BORCS6: variants seen among roughly 807,000 people sequenced by gnomAD.
The protein encoded by BORCS6 is BLOC-1 related complex subunit 6.
In BORCS6, 12 loss-of-function variants were observed where a neutral mutation model predicts 17.0. That is an observed-to-expected ratio of 0.71 (90% confidence interval 0.45 to 1.15). BORCS6 has a LOEUF of 1.15. Among genes scored for constraint, BORCS6 ranks in the 50% most tolerant of loss-of-function variants. BORCS6 has a pLI of 0.00. For synonymous variants in BORCS6, 262 were observed against 241.7 expected, an observed-to-expected ratio of 1.08 and a Z score of -0.78; for missense variants, 513 against 515.0, an observed-to-expected ratio of 1.00 and a Z score of 0.04.
rs1429931146 is a variant in BORCS6 at position 8,189,860 on chromosome 17, C to G, written c.281G>C (p.Arg94Pro). The G allele has an allele frequency of 3.2e-6, 5 of 1,548,210 alleles. No homozygotes were observed. In the Admixed American group the frequency reaches 9.8e-5, roughly 30 times the overall value. ...GTGCTCTGCACCCGGCGCCCCCCTG[C>G]GGCTCCCGGCCCCAGACAGCGTCCC... ...PQGTLSGAGS[R>P]RGAPGAEHEP... The change falls in exon 1 of 1, where the codon CGC (arginine) becomes CCC (proline). Residue 94 changes from arginine (R) to proline (P), a missense_variant. Physicochemically the swap from Arg to Pro is moderately radical, Grantham distance 103 (BLOSUM62 -2). Coordinates refer to ENST00000389017, the MANE Select transcript of BORCS6 (RefSeq NM_017622.3). This position sits in a 1 kb window ranked among gnomAD's most constrained non-coding sequence, Gnocchi z 7.8.
In BORCS6 at chr17:8,189,918, G is replaced by T. The variant is rs1353932395; in HGVS notation, c.223C>A (p.Arg75=). The T allele has an allele frequency of 1.3e-6, 2 of 1,548,634 alleles. No individual in the cohort carries two copies. Among genetic ancestry groups the T allele is most frequent in the South Asian group, 2.4e-5 (2 of 84,054 alleles). Residue 75 remains arginine (R), a synonymous_variant, in exon 1 of 1, where the codon CGG becomes AGG. Coordinates refer to ENST00000389017, the MANE Select transcript of BORCS6 (RefSeq NM_017622.3). This position sits in a 1 kb window ranked among gnomAD's most constrained non-coding sequence, Gnocchi z 7.8. ...CCGGGCTCGTTCTCCAGAGCCTCCC[G>T]TTCCGGCCGGTGGACGACGCCGCAG... The part of the protein sequence containing the change: ...SSCGVVHRPE[R]EALENEPGPQ...
In BORCS6 at chr17:8,190,030, G is replaced by T; in HGVS notation, c.111C>A (p.Pro37=). The T allele has an allele frequency of 1.3e-6, 2 of 1,550,130 alleles. No individual in the cohort carries two copies. The highest frequency in any genetic ancestry group is 1.7e-6 in the Non-Finnish European group (2 of 1,146,834). Reference sequence around the variant, plus strand: ...CCTCCCCGGACACCCGGAGGCCTGCGGGCGGCTCAGAGGACGTTCGGCCCG... The same window carrying T: ...CCTCCCCGGACACCCGGAGGCCTGCTGGCGGCTCAGAGGACGTTCGGCCCG... ...GGPGRTSSEP[P]AGLRVSGEEE... Residue 37 remains proline (P), a synonymous_variant, in exon 1 of 1, where the codon CCC becomes CCA. Coordinates refer to ENST00000389017, the MANE Select transcript of BORCS6 (RefSeq NM_017622.3).
At position 8,190,083 on chromosome 17, in the gene BORCS6, G is replaced by A; in HGVS notation, c.58C>T (p.His20Tyr). The A allele has an allele frequency of 6.5e-7, 1 of 1,550,334 alleles. No individual in the cohort carries two copies. Residue 20 changes from histidine (H) to tyrosine (Y), a missense_variant, in exon 1 of 1, where the codon CAT (histidine) becomes TAT (tyrosine). Coordinates refer to ENST00000389017, the MANE Select transcript of BORCS6 (RefSeq NM_017622.3). ...CCGCCGCCAAAGACTAGGGCCTGAT[G>A]TTCCGCTACAGCCAGAAGGTCCGTC... ...PETDLLAVAEHQALVFGGGPG... is the reference protein window; with the variant it reads ...PETDLLAVAEYQALVFGGGPG...
rs537803711 is a variant in BORCS6, at chr17:8,190,105, C to T, written c.36G>A (p.Thr12=). The part of the protein sequence containing the change: ...ESSRGRPGPE[T]DLLAVAEHQA... ...GATGTTCCGCTACAGCCAGAAGGTC[C>T]GTCTCGGGCCCGGGCCGCCCCCGAG... is the stretch of plus-strand genomic sequence containing the variant. The change falls in exon 1 of 1, where the codon ACG becomes ACA. Residue 12 remains threonine, a synonymous_variant. Transcript: ENST00000389017. The T allele has an allele frequency of 2.6e-6, 4 of 1,550,000 alleles. No homozygotes were observed. Among genetic ancestry groups the T allele is most frequent in the South Asian group, 2.4e-5 (2 of 84,034 alleles).
chr17:8,189,791 T>C lies in BORCS6; in HGVS notation c.350A>G (p.Glu117Gly), dbSNP rs1567561555. 1 of 1,597,056 alleles carries C rather than the reference T, an allele frequency of 6.3e-7. No homozygotes were observed. The highest frequency in any genetic ancestry group is 1.1e-5 in the South Asian group (1 of 90,452). Residue 117 changes from glutamate to glycine, a missense_variant, in exon 1 of 1, where the codon GAG becomes GGG. Glu to Gly is a moderately conservative substitution (Grantham distance 98). Coordinates refer to ENST00000389017, the MANE Select transcript of BORCS6 (RefSeq NM_017622.3). This position sits in a 1 kb window ranked among gnomAD's most constrained non-coding sequence, Gnocchi z 7.8. ...SSRHKNPAPP[E>G]GKPSSGRDCR... ...GTCCCTCCCGGAGGAGGGCTTGCCC[T>C]CGGGCGGCGCCGGGTTCTTGTGCCG...
chr17:8,189,272 G>A lies in BORCS6; in HGVS notation c.869C>T (p.Thr290Met), dbSNP rs1257062086. The A allele has an allele frequency of 1.9e-6, 3 of 1,613,796 alleles. No individual in the cohort carries two copies. The highest frequency in any genetic ancestry group is 3.3e-5 in the Admixed American group (2 of 60,028). ...CTGGATGCAACCCACGCTCAGCGCC[G>A]TCAGCTCCTGCACCGCGCCACCCAG... ...RGLGGAVQEL[T>M]ALSVGCIQTY... is the part of the protein sequence containing the mutation. The change falls in exon 1 of 1, where the codon ACG (threonine) becomes ATG (methionine). Residue 290 changes from threonine to methionine, a missense_variant. Transcript: ENST00000389017. The surrounding 1 kb of genome is among the most constrained non-coding windows in gnomAD (Gnocchi z 7.8).
chr17:8,189,973 G>C lies in BORCS6; in HGVS notation c.168C>G (p.Arg56=). ...EETENVGGAN[R]HPRTSPKTSS... The stretch of plus-strand genomic sequence containing the variant: ...ACGTCTTCGGGGACGTCCTGGGGTG[G>C]CGGTTCGCGCCCCCAACGTTCTCGG... Residue 56 remains arginine, a synonymous_variant, in exon 1 of 1, where the codon CGC becomes CGG. Coordinates refer to ENST00000389017, the MANE Select transcript of BORCS6 (RefSeq NM_017622.3). The surrounding 1 kb of genome is among the most constrained non-coding windows in gnomAD (Gnocchi z 7.8). The C allele has an allele frequency of 6.5e-7, 1 of 1,549,838 alleles. No homozygotes were observed. Among genetic ancestry groups the C allele is most frequent in the Non-Finnish European group, 8.7e-7 (1 of 1,146,814 alleles).
Position 8,188,954 on chromosome 17 carries a change from T to C in BORCS6, c.*113A>G. On this transcript the variant is annotated 3_prime_UTR_variant, in exon 1 of 1. Coordinates refer to ENST00000389017, the MANE Select transcript of BORCS6 (RefSeq NM_017622.3). Reference sequence around the variant, plus strand: ...CCAGCTGAACGCATCTGGAAGAGCCTCCAACACACAGGCCTCCCCTCAGTG... The same window carrying C: ...CCAGCTGAACGCATCTGGAAGAGCCCCCAACACACAGGCCTCCCCTCAGTG... 6 of 1,506,058 alleles carry C rather than the reference T, an allele frequency of 4.0e-6. No homozygotes were observed. Among genetic ancestry groups the C allele is most frequent in the Non-Finnish European group, 5.4e-6 (6 of 1,113,956 alleles). 93.3% of individuals were successfully genotyped at this position (1,506,058 alleles called of 1,614,324 possible). A position where few individuals can be genotyped will look rare whatever the true frequency, so the allele number is the denominator to read the frequency against.
rs1273423187 is a variant in BORCS6 at position 8,189,214 on chromosome 17, T to G, written c.927A>C (p.Glu309Asp). ...TYRDAVDSLG[E>D]AVDMSIKGMY... ...TGCCCTTGATGCTCATGTCCACGGCTTCACCTAAGGAGTCCACAGCATCGC... is the reference window on the plus strand; with the variant it reads ...TGCCCTTGATGCTCATGTCCACGGCGTCACCTAAGGAGTCCACAGCATCGC... Residue 309 changes from glutamate (E) to aspartate (D), a missense_variant, in exon 1 of 1, where the codon GAA becomes GAC. Transcript: ENST00000389017. The surrounding 1 kb of genome is among the most constrained non-coding windows in gnomAD (Gnocchi z 7.8). The G allele has an allele frequency of 2.5e-6, 4 of 1,613,984 alleles. No homozygotes were observed. The highest frequency in any genetic ancestry group is 1.3e-5 in the African/African-American group (1 of 74,932).
rs1404750133 is a variant in BORCS6, at chr17:8,189,890, G to A, written c.251C>T (p.Pro84Leu). The part of the protein sequence containing the change: ...EREALENEPG[P>L]QGTLSGAGSR... ...CCCGGCCCCAGACAGCGTCCCTTGA[G>A]GGCCGGGCTCGTTCTCCAGAGCCTC... The change falls in exon 1 of 1, where the codon CCT (proline) becomes CTT (leucine). Residue 84 changes from proline to leucine, a missense_variant. Pro to Leu is a moderately conservative substitution (Grantham distance 98). Transcript: ENST00000389017. The surrounding 1 kb of genome is among the most constrained non-coding windows in gnomAD (Gnocchi z 7.8). The A allele has an allele frequency of 2.6e-6, 4 of 1,547,248 alleles. No homozygotes were observed. The South Asian group carries it at 3.6e-5, about 14-fold the overall frequency.
rs981784327 is a variant in BORCS6 at position 8,190,015 on chromosome 17, C to A, written c.126G>T (p.Val42=). 5.2e-6 allele frequency: 8 copies of A among 1,549,990 alleles called. No individual in the cohort carries two copies. In the African/African-American group the frequency reaches 1.1e-4, roughly 21 times the overall value. The change falls in exon 1 of 1, where the codon GTG becomes GTT. Residue 42 remains valine (V), a synonymous_variant. Transcript: ENST00000389017. ...TSSEPPAGLR[V]SGEEETENVG... ...CGTTCTCGGTCTCTTCCTCCCCGGA[C>A]ACCCGGAGGCCTGCGGGCGGCTCAG...
In BORCS6 at chr17:8,189,795, GC is replaced by G; in HGVS notation, c.345del (p.Glu117ArgfsTer56). On this transcript the variant is annotated frameshift_variant, in exon 1 of 1. Coordinates refer to ENST00000389017, the MANE Select transcript of BORCS6 (RefSeq NM_017622.3). LOFTEE classifies it high-confidence loss of function. The surrounding 1 kb of genome is among the most constrained non-coding windows in gnomAD (Gnocchi z 7.8). ...SLSSRHKNPA[P>X]PEGKPSSGRD... Reference sequence around the variant, plus strand: ...CTCCCGGAGGAGGGCTTGCCCTCGGGCGGCGCCGGGTTCTTGTGCCGGGAGG... The same window carrying G: ...CTCCCGGAGGAGGGCTTGCCCTCGGGGGCGCCGGGTTCTTGTGCCGGGAGG... 2 of 1,595,108 alleles carry G rather than the reference GC, an allele frequency of 1.3e-6. No homozygotes were observed. Among genetic ancestry groups the G allele is most frequent in the Non-Finnish European group, 1.7e-6 (2 of 1,176,082 alleles).
At position 8,189,870 on chromosome 17, in the gene BORCS6, C is replaced by G. The variant is rs551741051; in HGVS notation, c.271G>C (p.Ala91Pro). ...EPGPQGTLSG[A>P]GSRRGAPGAE... ...CCCGGCGCCCCCCTGCGGCTCCCGG[C>G]CCCAGACAGCGTCCCTTGAGGGCCG... The change falls in exon 1 of 1, where the codon GCC (alanine) becomes CCC (proline). Residue 91 changes from alanine (A) to proline (P), a missense_variant. Coordinates refer to ENST00000389017, the MANE Select transcript of BORCS6 (RefSeq NM_017622.3). This position sits in a 1 kb window ranked among gnomAD's most constrained non-coding sequence, Gnocchi z 7.8. The G allele has an allele frequency of 2.5e-5, 39 of 1,547,528 alleles. No individual in the cohort carries two copies. The African/African-American group carries it at 4.8e-4, about 19-fold the overall frequency.
rs1984558985 is a variant in BORCS6, at chr17:8,188,798, G to A, written c.*269C>T. On this transcript the variant is annotated 3_prime_UTR_variant, in exon 1 of 1. Transcript: ENST00000389017. Reference sequence around the variant, plus strand: ...CCAGGGCTGGTGCTCTAGCTAGGGAGGAGAGTTGGGAAGAACAGGGTAGCT... The same window carrying A: ...CCAGGGCTGGTGCTCTAGCTAGGGAAGAGAGTTGGGAAGAACAGGGTAGCT... 3.8e-6 allele frequency: 2 copies of A among 531,172 alleles called. No individual in the cohort carries two copies. The highest frequency in any genetic ancestry group is 6.7e-6 in the Non-Finnish European group (2 of 296,960). The allele number at this position is 531,172 out of a possible 1,614,324, so 32.9% of individuals were successfully genotyped here. A position where few individuals can be genotyped will look rare whatever the true frequency, so the allele number is the denominator to read the frequency against.
Position 8,188,952 on chromosome 17 carries a change from C to A in BORCS6, c.*115G>T. On this transcript the variant is annotated 3_prime_UTR_variant, in exon 1 of 1. Coordinates refer to ENST00000389017, the MANE Select transcript of BORCS6 (RefSeq NM_017622.3). ...GGCCAGCTGAACGCATCTGGAAGAG[C>A]CTCCAACACACAGGCCTCCCCTCAG... is the stretch of plus-strand genomic sequence containing the variant. The A allele has an allele frequency of 1.3e-6, 2 of 1,490,468 alleles. No individual in the cohort carries two copies. The highest frequency in any genetic ancestry group is 4.6e-5 in the Admixed American group (2 of 43,728). The allele number at this position is 1,490,468 out of a possible 1,614,324, so 92.3% of individuals were successfully genotyped here.
At position 8,189,787 on chromosome 17, in the gene BORCS6, G is replaced by A; in HGVS notation, c.354C>T (p.Gly118=). 6.3e-7 allele frequency: 1 copy of A among 1,598,008 alleles called. No individual in the cohort carries two copies. Residue 118 remains glycine, a synonymous_variant, in exon 1 of 1, where the codon GGC becomes GGT. Coordinates refer to ENST00000389017, the MANE Select transcript of BORCS6 (RefSeq NM_017622.3). This position sits in a 1 kb window ranked among gnomAD's most constrained non-coding sequence, Gnocchi z 7.8. ...SRHKNPAPPE[G]KPSSGRDCRR... ...GGCAGTCCCTCCCGGAGGAGGGCTT[G>A]CCCTCGGGCGGCGCCGGGTTCTTGT...
Position 8,190,050 on chromosome 17 carries a change from G to T in BORCS6, c.91C>A (p.Arg31=), listed in dbSNP as rs1346336957. 1.3e-6 allele frequency: 2 copies of T among 1,550,120 alleles called. No individual in the cohort carries two copies. The highest frequency in any genetic ancestry group is 3.9e-5 in the Admixed American group (2 of 51,000). Residue 31 remains arginine, a synonymous_variant, in exon 1 of 1, where the codon CGA becomes AGA. Transcript: ENST00000389017. ...QALVFGGGPG[R]TSSEPPAGLR... ...CCTGCGGGCGGCTCAGAGGACGTTCGGCCCGGCCCGCCGCCAAAGACTAGG... is the reference window on the plus strand; with the variant it reads ...CCTGCGGGCGGCTCAGAGGACGTTCTGCCCGGCCCGCCGCCAAAGACTAGG...
In BORCS6 at chr17:8,189,693, C is replaced by T. The variant is rs757505255; in HGVS notation, c.448G>A (p.Ala150Thr). Residue 150 changes from alanine to threonine, a missense_variant, in exon 1 of 1, where the codon GCC becomes ACC. Coordinates refer to ENST00000389017, the MANE Select transcript of BORCS6 (RefSeq NM_017622.3). The surrounding 1 kb of genome is among the most constrained non-coding windows in gnomAD (Gnocchi z 7.8). The stretch of plus-strand genomic sequence containing the variant: ...GAGCGGCCGGCTCTGCTGCCCGCGG[C>T]CGCCTCCTCGTCGTTGTCTTCCTCC... ...QEEEDNDEEA[A>T]AGSRAGRSFS... 3.8e-6 allele frequency: 6 copies of T among 1,598,640 alleles called. No homozygotes were observed. Among genetic ancestry groups the T allele is most frequent in the Non-Finnish European group, 5.1e-6 (6 of 1,179,602 alleles).
chr17:8,189,621 C>A lies in BORCS6; in HGVS notation c.520G>T (p.Glu174Ter). Reference protein sequence around the residue: ...QDSRSLDGLSEACGGAGSSGS... With the variant: ...QDSRSLDGLS ...GAGGACCCGGCGCCACCGCACGCCTCGCTCAGCCCGTCCAGGCTGCGGCTG... is the reference window on the plus strand; with the variant it reads ...GAGGACCCGGCGCCACCGCACGCCTAGCTCAGCCCGTCCAGGCTGCGGCTG... The change falls in exon 1 of 1, where the codon GAG (glutamate) becomes TAG (stop). Residue 174 changes from glutamate (E) to a stop codon, truncating the protein, a stop_gained. Coordinates refer to ENST00000389017, the MANE Select transcript of BORCS6 (RefSeq NM_017622.3). LOFTEE classifies it high-confidence loss of function. This position sits in a 1 kb window ranked among gnomAD's most constrained non-coding sequence, Gnocchi z 7.8. 1 of 1,598,900 alleles carries A rather than the reference C, an allele frequency of 6.3e-7. No homozygotes were observed. The highest frequency in any genetic ancestry group is 1.3e-5 in the African/African-American group (1 of 74,738).
Sources: gnomAD v4.1 joint callset for allele counts on GRCh38, gnomAD v4.1.1 for gene constraint, Gnocchi (gnomAD v3.1) non-coding constraint, MANE v1.5 for transcripts, NCBI Gene and HGNC (gene_info 2026-07-23, HGNC 2026-07-21) for gene names.